Variants in EIF2D observed in about 807,000 individuals in gnomAD.
EIF2D encodes eukaryotic translation initiation factor 2D.
EIF2D carries 56 observed loss-of-function variants against 77.4 expected under a neutral mutation model. That is an observed-to-expected ratio of 0.72 (90% CI 0.58 to 0.90). EIF2D has a LOEUF of 0.90. EIF2D is among the 40% of genes least tolerant of loss of function. EIF2D has a pLI of 0.00. For synonymous variants in EIF2D, 230 were observed against 271.0 expected, an observed-to-expected ratio of 0.85 and a Z score of 1.49; for missense variants, 574 against 706.5, an observed-to-expected ratio of 0.81 and a Z score of 2.13.
At chr1:206,610,706 T>C (rs6540491) in intron 2 of EIF2D, among the ~76,000 whole-genome samples, 3 of 151,250 alleles carry the variant, frequency 2.0e-5, no homozygotes, top group Non-Finnish European at 4.4e-5. Context: ...CTGTAGTTCC[T>C]GCTACTCGGG....
intron 4 of EIF2D, among the ~76,000 whole-genome samples, chr1:206,576,922 GC>G (rs1324052600): frequency 6.6e-6 from 1 of 151,958 alleles, no homozygotes; most frequent in Non-Finnish European, 1.5e-5. Flanking sequence ...TCCCACCTCA[GC>G]CTCCTGAGTA....
intron 4 of EIF2D, among the ~76,000 whole-genome samples, chr1:206,606,391 C>T (rs1363651341): frequency 6.6e-6 from 1 of 152,186 alleles, no homozygotes; most frequent in Non-Finnish European, 1.5e-5. Context: ...AGGTCAATGG[C>T]TTGAGAACTC....
Position 206,602,368 on chromosome 1 carries a change from G to C in EIF2D, c.870C>G (p.Ser290Arg). Residue 290 changes from serine to arginine, a missense_variant, in exon 7 of 15, where the codon AGC becomes AGG. Ser to Arg is a moderately radical substitution (Grantham distance 110, BLOSUM62 -1). Coordinates refer to ENST00000271764, the MANE Select transcript of EIF2D (RefSeq NM_006893.3). ...AGAACATGTGGCTGCCAAGGAAAGT[G>C]CTGGTGAGTAAAGGGAGGTCAGCCT... ...VKKADLPLLTSTFLGSHMFSC... is the reference protein window; with the variant it reads ...VKKADLPLLTRTFLGSHMFSC... 2 of 1,614,218 alleles carry C rather than the reference G, an allele frequency of 1.2e-6. No individual in the cohort carries two copies. Among genetic ancestry groups the C allele is most frequent in the South Asian group, 1.1e-5 (1 of 91,086 alleles).
chr1:206,603,281 T>C, intron 5 of EIF2D, 77 bp from the exon 6 acceptor site: 1 of 1,556,388 alleles, frequency 6.4e-7, no homozygotes, highest in South Asian at 1.2e-5. Context: ...GAGTCAGCAG[T>C]GAGGTCAGAG....
In EIF2D at chr1:206,573,325, T is replaced by C. The variant is rs182458871; in HGVS notation, c.*255-626A>G. On this transcript the variant is annotated intron_variant and NMD_transcript_variant, in intron 4 of 5. Coordinates refer to the EIF2D transcript ENST00000472709. ...TTATAGATGAAGAAACTGAGGCATA[T>C]AGATTTTCTGACTTTCTCAAGACCA... is the stretch of plus-strand genomic sequence containing the variant. Among the ~76,000 whole-genome samples, 294 of 152,312 alleles carry C rather than the reference T, an allele frequency of 1.9e-3. 2 individuals are homozygous for C. The highest frequency in any genetic ancestry group is 1.8e-3 in the Non-Finnish European group (124 of 68,026).
At chr1:206,581,983 G>A (rs1668905257) in intron 2 of EIF2D, among the ~76,000 whole-genome samples, 1 of 152,182 alleles carries the variant, frequency 6.6e-6, no homozygotes, top group Non-Finnish European at 1.5e-5. Context: ...GTCAGATGGT[G>A]TCAGAGTCAT....
chr1:206,606,768 C>T (rs956356136), intron 4 of EIF2D, among the ~76,000 whole-genome samples: 1 of 152,118 alleles, frequency 6.6e-6, no homozygotes, highest in Non-Finnish European at 1.5e-5. Context: ...AATGAGTCCA[C>T]CTTGGTCATC....
At chr1:206,604,635 G>A (rs1670096106) in intron 5 of EIF2D, 1 of 150,604 alleles carries the variant, frequency 6.6e-6, no homozygotes, top group East Asian at 2.0e-4. Flanking sequence ...TCAGGAGGCT[G>A]AGGCAGGAGA....
chr1:206,604,443 C>CA (rs60970842), intron 5 of EIF2D, among the ~76,000 whole-genome samples: 21 of 144,958 alleles, frequency 1.4e-4, no homozygotes, highest in South Asian at 4.4e-4. Flanking sequence ...AACTCCATCT[C>CA]AAAAAAAAAG....
rs1553407247 is a variant in EIF2D, at chr1:206,584,770, G to A, written c.139-3608C>T. ...ACTAAAACTCCTGCCGGCCTTGGGT[G>A]GGAGCTGTGGGCTTCTCCTGAGCAC... On this transcript the variant is annotated intron_variant and NMD_transcript_variant, in intron 2 of 5. Coordinates refer to the EIF2D transcript ENST00000472709. This position sits in a 1 kb window ranked among gnomAD's most constrained non-coding sequence, Gnocchi z 4.9. The A allele has an allele frequency of 7.0e-7, 1 of 1,424,756 alleles. No individual in the cohort carries two copies. Among genetic ancestry groups the A allele is most frequent in the South Asian group, 1.3e-5 (1 of 79,752 alleles). 88.3% of individuals were successfully genotyped at this position (1,424,756 alleles called of 1,614,324 possible).
chr1:206,608,217 C>T lies in EIF2D; in HGVS notation c.422+19G>A, dbSNP rs1670294087. The T allele has an allele frequency of 1.2e-6, 2 of 1,605,168 alleles. No homozygotes were observed. Among genetic ancestry groups the T allele is most frequent in the Non-Finnish European group, 1.7e-6 (2 of 1,175,202 alleles). ...TACACAAGTTTTTCCCCCAAAGGCACAGTTGCCTGGCACAGTACCTGTTCC... is the reference window on the plus strand; with the variant it reads ...TACACAAGTTTTTCCCCCAAAGGCATAGTTGCCTGGCACAGTACCTGTTCC... On this transcript the variant is annotated intron_variant, in intron 4 of 14. Transcript: ENST00000271764.
intron 2 of EIF2D, among the ~76,000 whole-genome samples, chr1:206,610,587 G>T (rs868917227): frequency 1.3e-5 from 2 of 152,084 alleles, no homozygotes; most frequent in Non-Finnish European, 2.9e-5. Context: ...TTGGGAGGCC[G>T]AGGCGGGCGG....
intron 8 of EIF2D, 29 bp downstream of exon 8, chr1:206,600,234 A>G (rs202144718): frequency 7.4e-6 from 12 of 1,611,482 alleles, no homozygotes; most frequent in Non-Finnish European, 1.0e-5. Context: ...AACTCTCTGC[A>G]TGGGTCTGCA....
rs541076586 is a variant in EIF2D, at chr1:206,603,322, A to G, written c.531-118T>C. The G allele has an allele frequency of 1.7e-4, 230 of 1,393,708 alleles. 2 individuals are homozygous for G. The Admixed American group carries it at 4.0e-3, about 24-fold the overall frequency. The allele number at this position is 1,393,708 out of a possible 1,614,324, so 86.3% of individuals were successfully genotyped here. On this transcript the variant is annotated intron_variant, in intron 5 of 14. Coordinates refer to ENST00000271764, the MANE Select transcript of EIF2D (RefSeq NM_006893.3). ...AGAGAGCCAACAGGCAGGAGTGGCC[A>G]GGAGGGGGCAGAGAGCCTGTGCCCT...
In EIF2D at chr1:206,599,398, G is replaced by C; in HGVS notation, c.1202+65C>G. The C allele has an allele frequency of 6.3e-7, 1 of 1,588,128 alleles. No individual in the cohort carries two copies. Among genetic ancestry groups the C allele is most frequent in the Non-Finnish European group, 8.6e-7 (1 of 1,166,890 alleles). On this transcript the variant is annotated intron_variant, in intron 10 of 14. Coordinates refer to ENST00000271764, the MANE Select transcript of EIF2D (RefSeq NM_006893.3). The surrounding 1 kb of genome is among the most constrained non-coding windows in gnomAD (Gnocchi z 4.1). ...GCCAGTCGCAAAAGAGCACTACTCA[G>C]GTTGAGAGGAACTGTAGGCCAGAAC...
intron 13 of EIF2D, 112 bp downstream of exon 13, chr1:206,595,606 A>G (rs970668648): frequency 4.0e-5 from 54 of 1,356,956 alleles, no homozygotes; most frequent in South Asian, 2.6e-4. Context: ...TCATAAAAAA[A>G]TCTTTGATGA....
chr1:206,611,181 T>C lies in EIF2D; in HGVS notation c.247+3A>G. On this transcript the variant is annotated splice_donor_region_variant and intron_variant, in intron 2 of 14. Transcript: ENST00000271764. ...AATGGCCATCTTCGTCCTGTTGTCATACCTGTTGGATACAGATTTTTCTCC... is the reference window on the plus strand; with the variant it reads ...AATGGCCATCTTCGTCCTGTTGTCACACCTGTTGGATACAGATTTTTCTCC... The C allele has an allele frequency of 1.9e-6, 3 of 1,610,856 alleles. No homozygotes were observed. Among genetic ancestry groups the C allele is most frequent in the Non-Finnish European group, 1.7e-6 (2 of 1,177,550 alleles).
At chr1:206,577,102 T>G (rs1668685344) in intron 4 of EIF2D, among the ~76,000 whole-genome samples, 1 of 152,040 alleles carries the variant, frequency 6.6e-6, no homozygotes, top group South Asian at 2.1e-4. Context: ...TGAGCCACCA[T>G]GCCAGGCCCA....
chr1:206,606,202 G>C (rs1297611059), intron 4 of EIF2D, among the ~76,000 whole-genome samples: 2 of 152,218 alleles, frequency 1.3e-5, no homozygotes, highest in African/African-American at 2.4e-5. Flanking sequence ...ATAACAGTGG[G>C]GGAATAATAC....
Sources: allele counts gnomAD v4.1 joint callset (sites outside exome capture counted in the v4.1 genomes callset), GRCh38; gene constraint gnomAD v4.1.1; non-coding constraint Gnocchi (gnomAD v3.1); transcripts MANE v1.5; gene names NCBI Gene and HGNC (gene_info 2026-07-23, HGNC 2026-07-21).